Variants in DNAJC27 observed in about 807,000 individuals in gnomAD.
DNAJC27 encodes DnaJ heat shock protein family (Hsp40) member C27.
DNAJC27 carries 25 observed loss-of-function variants against 31.4 expected under a neutral mutation model. The observed-to-expected ratio is 0.80, with a 90% CI of 0.58 to 1.11. The LOEUF (loss-of-function observed/expected upper bound fraction) is 1.11, where lower values mean the gene tolerates loss of function less well. Ranked by LOEUF, DNAJC27 falls within the 50% of genes most tolerant of loss-of-function variation. DNAJC27 has a pLI of 0.00. For synonymous variants in DNAJC27, 106 were observed against 112.7 expected (o/e 0.94, Z 0.37); for missense variants, 356 against 347.3 (o/e 1.02, Z -0.20).
rs762421819 is a variant in DNAJC27, at chr2:24,951,419, G to C, written c.664C>G (p.Leu222Val). The part of the protein sequence containing the change: ...IRNSKDSWDM[L>V]GVKPGASRDE... ...CTTGAGGCCCCAGGTTTGACTCCCA[G>C]CATGTCCCAACTGTCTTTACTATTT... Residue 222 changes from leucine (L) to valine (V), a missense_variant, in exon 6 of 7, where the codon CTG becomes GTG. Coordinates refer to ENST00000264711, the MANE Select transcript of DNAJC27 (RefSeq NM_016544.3). 4 of 1,612,948 alleles carry C rather than the reference G, an allele frequency of 2.5e-6. No homozygotes were observed. Among genetic ancestry groups the C allele is most frequent in the Non-Finnish European group, 3.4e-6 (4 of 1,179,448 alleles).
chr2:24,962,221 G>GTT (rs915729370), intron 3 of DNAJC27, among the ~76,000 whole-genome samples: 8 of 17,046 alleles, frequency 4.7e-4, no homozygotes, highest in Admixed American at 3.0e-3. Context: ...TTTTTCTTTT[G>GTT]TTTTTTTTTG....
chr2:24,947,934 C>T (rs932867969), intron 6 of DNAJC27, among the ~76,000 whole-genome samples, 186 bp from the exon 7 acceptor site: 1 of 152,104 alleles, frequency 6.6e-6, no homozygotes, highest in Admixed American at 6.5e-5. Context: ...ATATATAACA[C>T]AAATTGAAAA....
chr2:24,971,218 G>C (rs1423464326), intron 1 of DNAJC27, among the ~76,000 whole-genome samples: 1 of 152,184 alleles, frequency 6.6e-6, no homozygotes, highest in Non-Finnish European at 1.5e-5. Context: ...ATGGGGCAGA[G>C]AGAAGGGCGG....
rs557039233 is a variant in DNAJC27 at position 24,971,701 on chromosome 2, C to G, written c.87+117G>C. 5 of 852,190 alleles carry G rather than the reference C, an allele frequency of 5.9e-6. No homozygotes were observed. The African/African-American group carries it at 8.8e-5, about 15-fold the overall frequency. 52.8% of individuals were successfully genotyped at this position (852,190 alleles called of 1,614,324 possible). On this transcript the variant is annotated intron_variant, in intron 1 of 6. Transcript: ENST00000264711. The stretch of plus-strand genomic sequence containing the variant: ...CCGCACCCCTCGGCTGAGACCCGGG[C>G]CTGCTCGGGGGCGGAGAGGAGGCCG...
Position 24,971,859 on chromosome 2 carries a change from G to A in DNAJC27, c.46C>T (p.Arg16Cys). 5 of 1,609,378 alleles carry A rather than the reference G, an allele frequency of 3.1e-6. No individual in the cohort carries two copies. In the South Asian group the frequency reaches 3.3e-5, roughly 11 times the overall value. Residue 16 changes from arginine (R) to cysteine (C), a missense_variant, in exon 1 of 7, where the codon CGC (arginine) becomes TGC (cysteine). Coordinates refer to ENST00000264711, the MANE Select transcript of DNAJC27 (RefSeq NM_016544.3). Reference protein sequence around the residue: ...PKRKEPGRSLRIKVISMGNAE... With the variant: ...PKRKEPGRSLCIKVISMGNAE... ...TTGCCCATGGAGATGACTTTGATGCGGAGAGACCTGCCGGGCTCCTTCCGC... is the reference window on the plus strand; with the variant it reads ...TTGCCCATGGAGATGACTTTGATGCAGAGAGACCTGCCGGGCTCCTTCCGC...
chr2:24,967,016 T>C (rs1343522869), intron 2 of DNAJC27, among the ~76,000 whole-genome samples, 195 bp downstream of exon 2: 1 of 152,220 alleles, frequency 6.6e-6, no homozygotes, highest in Non-Finnish European at 1.5e-5. Context: ...ATGTGCTCAA[T>C]ACCAATACAC....
At chr2:24,961,548 C>T (rs1032286468) in intron 3 of DNAJC27, among the ~76,000 whole-genome samples, 2 of 151,906 alleles carry the variant, frequency 1.3e-5, no homozygotes, top group Middle Eastern at 3.4e-3. Context: ...AGAAAGCATT[C>T]GCCATTCTAG....
chr2:24,955,891 T>G (rs905254833), intron 5 of DNAJC27, among the ~76,000 whole-genome samples: 22 of 152,236 alleles, frequency 1.4e-4, no homozygotes, highest in African/African-American at 5.3e-4. Flanking sequence ...TGCCACACAT[T>G]GTTGCTGTAA....
chr2:24,958,792 T>G (rs1242869183), intron 3 of DNAJC27, among the ~76,000 whole-genome samples: 1 of 152,180 alleles, frequency 6.6e-6, no homozygotes, highest in Non-Finnish European at 1.5e-5. Flanking sequence ...ATGGGCATAC[T>G]CAAACATTAG....
chr2:24,958,747 C>T (rs1422495731), intron 3 of DNAJC27: 1 of 172,414 alleles, frequency 5.8e-6, no homozygotes, highest in Non-Finnish European at 1.3e-5. Context: ...ATTCTCTGGG[C>T]TTCATTCCAA....
Position 24,946,079 on chromosome 2 carries a change from C to T in DNAJC27, c.*1537G>A, listed in dbSNP as rs774484810. On this transcript the variant is annotated 3_prime_UTR_variant, in exon 7 of 7. Transcript: ENST00000264711. ...AGTATGAGTGATGTAACAAGAATGA[C>T]GACGTAATGAGTCAAGTGGTGAGAC... 1 of 152,148 alleles carries T rather than the reference C, an allele frequency of 6.6e-6. No homozygotes were observed. The highest frequency in any genetic ancestry group is 1.5e-5 in the Non-Finnish European group (1 of 68,038). 9.4% of individuals were successfully genotyped at this position (152,148 alleles called of 1,614,324 possible).
intron 4 of DNAJC27, 129 bp from the exon 5 acceptor site, chr2:24,957,294 T>C: frequency 9.7e-7 from 1 of 1,031,588 alleles, no homozygotes; most frequent in Non-Finnish European, 1.4e-6. Context: ...CACTAGTGTG[T>C]AAAATTACCA....
intron 5 of DNAJC27, among the ~76,000 whole-genome samples, chr2:24,953,995 A>G (rs1401528920): frequency 6.6e-6 from 1 of 152,094 alleles, no homozygotes; most frequent in Non-Finnish European, 1.5e-5. Flanking sequence ...AAGCCCCCCA[A>G]TCACCTGGTT....
intron 5 of DNAJC27, among the ~76,000 whole-genome samples, chr2:24,955,274 C>A (rs761542818): frequency 6.6e-6 from 1 of 152,140 alleles, no homozygotes; most frequent in Non-Finnish European, 1.5e-5. Context: ...GAACCAAATG[C>A]AAATTCTAGA....
In DNAJC27 at chr2:24,971,714, G is replaced by A. The variant is rs962826973; in HGVS notation, c.87+104C>T. The A allele has an allele frequency of 1.8e-5, 18 of 986,770 alleles. No individual in the cohort carries two copies. In the East Asian group the frequency reaches 4.5e-4, roughly 25 times the overall value. 61.1% of individuals were successfully genotyped at this position (986,770 alleles called of 1,614,324 possible). The stretch of plus-strand genomic sequence containing the variant: ...CTGAGACCCGGGCCTGCTCGGGGGC[G>A]GAGAGGAGGCCGGGCCCCAGGCTGT... On this transcript the variant is annotated intron_variant, in intron 1 of 6. Coordinates refer to ENST00000264711, the MANE Select transcript of DNAJC27 (RefSeq NM_016544.3).
At chr2:24,972,016 C>A (rs1326885584), upstream of DNAJC27, 4 of 770,676 alleles carry the variant, frequency 5.2e-6, no homozygotes, top group Admixed American at 8.0e-5. Context: ...ACCGCCTCGC[C>A]TCCGCTGCTC....
Position 24,947,650 on chromosome 2 carries a change from T to G in DNAJC27, c.788A>C (p.Asn263Thr). Residue 263 changes from asparagine (N) to threonine (T), a missense_variant, in exon 7 of 7, where the codon AAT becomes ACT. Asn to Thr is a moderately conservative substitution (Grantham distance 65). Transcript: ENST00000264711. ...GTTTTTCAGGAGGGCTGTCCGAGCA[T>G]TCACAACTGCTTTGAAGGCATCTTC... ...GSEDAFKAVVNARTALLKNIK is the reference protein window; with the variant it reads ...GSEDAFKAVVTARTALLKNIK 6.2e-6 allele frequency: 10 copies of G among 1,611,708 alleles called. No individual in the cohort carries two copies. The highest frequency in any genetic ancestry group is 8.5e-6 in the Non-Finnish European group (10 of 1,178,010).
At chr2:24,967,122 T>C (rs779888165) in intron 2 of DNAJC27, 89 bp downstream of exon 2, 27 of 969,140 alleles carry the variant, frequency 2.8e-5, no homozygotes, top group Non-Finnish European at 4.4e-5. Flanking sequence ...CAAGATTACC[T>C]ACACAAGAGC....
At chr2:24,949,330 G>A (rs1665713199) in intron 6 of DNAJC27, among the ~76,000 whole-genome samples, 1 of 152,138 alleles carries the variant, frequency 6.6e-6, no homozygotes, top group Non-Finnish European at 1.5e-5. Flanking sequence ...AGGGAGTCCT[G>A]GGAAGGGCCC....
Sources: gnomAD v4.1 joint callset for allele counts (sites outside exome capture counted in the v4.1 genomes callset) on GRCh38, gnomAD v4.1.1 for gene constraint, MANE v1.5 for transcripts, NCBI Gene and HGNC (gene_info 2026-07-23, HGNC 2026-07-21) for gene names.